NFIL3: variants seen among roughly 807,000 people sequenced by gnomAD.
The protein encoded by NFIL3 is nuclear factor interleukin-3-regulated protein.
NFIL3 carries 5 observed loss-of-function variants against 10.0 expected under a neutral mutation model. The observed-to-expected ratio is 0.50, with a 90% CI of 0.26 to 1.06. NFIL3 has a LOEUF of 1.06. NFIL3 is among the 50% of genes least tolerant of loss of function. The pLI is 0.13. For missense variants in NFIL3, 436 were observed against 547.6 expected, an observed-to-expected ratio of 0.80 and a Z score of 2.03; for synonymous variants, 202 against 206.5, an observed-to-expected ratio of 0.98 and a Z score of 0.19.
At chr9:91,453,792 T>C in the NFIL3 span, among the ~76,000 whole-genome samples, 1 of 152,042 alleles carries the variant, frequency 6.6e-6, no homozygotes, top group African/African-American at 2.4e-5. Context: ...AGCCACAAAA[T>C]GAGGGCAAGT....
At chr9:91,424,321 C>A (rs929929520), upstream of NFIL3, among the ~76,000 whole-genome samples, 1 of 152,192 alleles carries the variant, frequency 6.6e-6, no homozygotes, top group Non-Finnish European at 1.5e-5. Flanking sequence ...TACCTGTTGC[C>A]GACTGAGCAC....
upstream of NFIL3, among the ~76,000 whole-genome samples, chr9:91,424,682 C>G (rs1355641162): frequency 6.6e-6 from 1 of 152,204 alleles, no homozygotes; most frequent in Admixed American, 6.5e-5. Context: ...AAACGAGGCT[C>G]GCTGAGGTCC....
At chr9:91,452,916 G>T in the NFIL3 span, among the ~76,000 whole-genome samples, 2 of 151,954 alleles carry the variant, frequency 1.3e-5, no homozygotes, top group African/African-American at 2.4e-5. Context: ...ATTAATTGAG[G>T]CCTGTCTCAG....
chr9:91,479,538 C>G, the NFIL3 span, among the ~76,000 whole-genome samples: 5 of 152,206 alleles, frequency 3.3e-5, no homozygotes, highest in African/African-American at 4.8e-5. Context: ...GACTGCTGTC[C>G]TGGTAGCGAG....
the NFIL3 span, among the ~76,000 whole-genome samples, chr9:91,437,036 C>T: frequency 2.5e-4 from 38 of 152,160 alleles, no homozygotes; most frequent in Non-Finnish European, 2.6e-4. Context: ...CCCTCGCATG[C>T]GCAGTTCCCA....
chr9:91,457,447 G>C, the NFIL3 span, among the ~76,000 whole-genome samples: 6 of 151,678 alleles, frequency 4.0e-5, no homozygotes, highest in Non-Finnish European at 8.8e-5. Flanking sequence ...TCAGTGTAGA[G>C]GTCACATCTT....
chr9:91,413,784 T>G (rs1231569123), intron 1 of NFIL3, among the ~76,000 whole-genome samples: 1 of 152,212 alleles, frequency 6.6e-6, no homozygotes, highest in East Asian at 1.9e-4. Flanking sequence ...ACTATACTCT[T>G]GGCCACTACT....
intron 1 of NFIL3, among the ~76,000 whole-genome samples, chr9:91,418,419 T>C (rs1174671903): frequency 6.6e-6 from 1 of 152,236 alleles, no homozygotes; most frequent in East Asian, 1.9e-4. Context: ...TGCAACATGG[T>C]GTAATGATGG....
At chr9:91,411,405 TA>T (rs1564155404) in intron 1 of NFIL3, among the ~76,000 whole-genome samples, 1 of 151,462 alleles carries the variant, frequency 6.6e-6, no homozygotes, top group Non-Finnish European at 1.5e-5. Flanking sequence ...TTAACGTGAG[TA>T]AAAAAAAAGT....
intron 1 of NFIL3, among the ~76,000 whole-genome samples, chr9:91,415,940 T>C (rs994837655): frequency 3.2e-4 from 49 of 152,332 alleles, no homozygotes; most frequent in African/African-American, 9.9e-4. Flanking sequence ...TAACTTCTCT[T>C]AGATGCTGTC....
chr9:91,425,771 C>G (rs1218042297), upstream of NFIL3, among the ~76,000 whole-genome samples: 1 of 152,244 alleles, frequency 6.6e-6, no homozygotes, highest in Admixed American at 6.5e-5. Flanking sequence ...GCCACTGTGC[C>G]TGGCCACTTT....
At chr9:91,429,877 A>G in the NFIL3 span, among the ~76,000 whole-genome samples, 3 of 151,964 alleles carry the variant, frequency 2.0e-5, no homozygotes, top group Non-Finnish European at 4.4e-5. Flanking sequence ...CCGTGTCCAC[A>G]TCCCAGCTTG....
At chr9:91,421,513 T>C (rs1833767294) in intron 1 of NFIL3, among the ~76,000 whole-genome samples, 1 of 151,896 alleles carries the variant, frequency 6.6e-6, no homozygotes, top group African/African-American at 2.4e-5. Context: ...CGGAGGCGCT[T>C]CTCGGTCCCG....
At chr9:91,443,476 G>C in the NFIL3 span, among the ~76,000 whole-genome samples, 5 of 152,242 alleles carry the variant, frequency 3.3e-5, no homozygotes, top group African/African-American at 1.2e-4. Flanking sequence ...CTGAGCTGCC[G>C]TCAGCACCTC....
At chr9:91,461,930 A>G in the NFIL3 span, among the ~76,000 whole-genome samples, 1 of 152,122 alleles carries the variant, frequency 6.6e-6, no homozygotes, top group Admixed American at 6.5e-5. Flanking sequence ...TCTTGCCAAT[A>G]TAGGTAGGTA....
the NFIL3 span, among the ~76,000 whole-genome samples, chr9:91,470,978 G>A: frequency 6.6e-6 from 1 of 152,184 alleles, no homozygotes; most frequent in Non-Finnish European, 1.5e-5. Flanking sequence ...ATGTGGTGCT[G>A]AGAAGAATGT....
the NFIL3 span, among the ~76,000 whole-genome samples, chr9:91,462,760 A>C: frequency 1.6e-5 from 2 of 128,086 alleles, no homozygotes; most frequent in Non-Finnish European, 3.1e-5. Context: ...AAGAGATTGT[A>C]TTATTTTTTC....
chr9:91,475,863 T>C, the NFIL3 span, among the ~76,000 whole-genome samples: 1 of 152,256 alleles, frequency 6.6e-6, no homozygotes, highest in South Asian at 2.1e-4. Flanking sequence ...TACTTGATAA[T>C]AGCTTGCAAA....
chr9:91,409,635 T>C lies in NFIL3; in HGVS notation c.1100A>G (p.Lys367Arg). The C allele has an allele frequency of 6.2e-7, 1 of 1,614,228 alleles. No homozygotes were observed. Among genetic ancestry groups the C allele is most frequent in the Non-Finnish European group, 8.5e-7 (1 of 1,180,036 alleles). The change falls in exon 2 of 2, where the codon AAG becomes AGG. Residue 367 changes from lysine to arginine, a missense_variant. By Grantham distance (26) the Lys-to-Arg change is conservative. Coordinates refer to ENST00000297689, the MANE Select transcript of NFIL3 (RefSeq NM_005384.3). Reference protein sequence around the residue: ...MTSKRHFELEKHSAPSMVHSS... With the variant: ...MTSKRHFELERHSAPSMVHSS... The stretch of plus-strand genomic sequence containing the variant: ...ATGTACCATACTTGGGGCACTATGC[T>C]TTTCGAGTTCGAAATGTCTTTTAGA...
Sources: gnomAD v4.1 joint callset for allele counts (sites outside exome capture counted in the v4.1 genomes callset) on GRCh38, gnomAD v4.1.1 for gene constraint, MANE v1.5 for transcripts, NCBI Gene and HGNC (gene_info 2026-07-23, HGNC 2026-07-21) for gene names.